SPON1: variants seen among roughly 807,000 people sequenced by gnomAD.
The protein encoded by SPON1 is spondin-1.
SPON1 carries 52 observed loss-of-function variants against 111.7 expected under a neutral mutation model. The ratio of observed to expected loss-of-function variants is 0.47; its 90% CI spans 0.37 to 0.59. The LOEUF is 0.59. Ranked by LOEUF, SPON1 falls within the 20% of genes least tolerant of loss-of-function variation. SPON1 has a pLI of 0.00. For missense variants in SPON1, 957 were observed against 1,068.5 expected (o/e 0.90, Z 1.46); for synonymous variants, 410 against 395.8 (o/e 1.04, Z -0.43).
chr11:14,159,214 T>C (rs1591392646), intron 6 of SPON1, among the ~76,000 whole-genome samples: 1 of 152,270 alleles, frequency 6.6e-6, no homozygotes, highest in East Asian at 1.9e-4. Flanking sequence ...TTTTTTGAGT[T>C]ATTAGATGTG....
At chr11:14,172,485 C>T (rs1848117109) in intron 6 of SPON1, among the ~76,000 whole-genome samples, 1 of 151,760 alleles carries the variant, frequency 6.6e-6, no homozygotes, top group African/African-American at 2.4e-5. Flanking sequence ...GCATTTAGCC[C>T]ATTTACATTT....
intron 1 of SPON1, among the ~76,000 whole-genome samples, chr11:13,964,724 G>C (rs1008003025): frequency 6.6e-6 from 1 of 152,288 alleles, no homozygotes; most frequent in African/African-American, 2.4e-5. Context: ...CGGCTAGAGC[G>C]AGCCGCGCCG....
chr11:14,192,060 A>G (rs1277725982), intron 6 of SPON1, among the ~76,000 whole-genome samples: 1 of 152,186 alleles, frequency 6.6e-6, no homozygotes, highest in African/African-American at 2.4e-5. Flanking sequence ...AACTCATAAT[A>G]TACTTCAGAA....
At position 14,259,214 on chromosome 11, in the gene SPON1, A is replaced by G. The variant is rs1591430068; in HGVS notation, c.1493-66A>G. The G allele has an allele frequency of 2.7e-6, 4 of 1,484,622 alleles. No homozygotes were observed. Among genetic ancestry groups the G allele is most frequent in the Admixed American group, 2.2e-5 (1 of 45,518 alleles). 92.0% of individuals were successfully genotyped at this position (1,484,622 alleles called of 1,614,324 possible). On this transcript the variant is annotated intron_variant, in intron 11 of 15. Transcript: ENST00000576479. The surrounding 1 kb of genome is among the most constrained non-coding windows in gnomAD (Gnocchi z 5.0). ...TGATTCCCGCTGGCGGGAAGTTCCC[A>G]CCGCGCAGCCTGGCAGGCGCCCCTG...
rs782395982 is a variant in SPON1 at position 14,254,738 on chromosome 11, G to T, written c.1092+9G>T. 6.2e-7 allele frequency: 1 copy of T among 1,613,164 alleles called. No homozygotes were observed. Among genetic ancestry groups the T allele is most frequent in the Admixed American group, 1.7e-5 (1 of 60,014 alleles). ...GCGGGGTGACCTATGAGGTGTGTGT[G>T]TGTGCCTGGAGTGGTGAGTGGCTCC... On this transcript the variant is annotated intron_variant, in intron 8 of 15. Coordinates refer to ENST00000576479, the MANE Select transcript of SPON1 (RefSeq NM_006108.4).
intron 6 of SPON1, among the ~76,000 whole-genome samples, chr11:14,210,502 G>T (rs572369286): frequency 1.3e-5 from 2 of 151,694 alleles, no homozygotes; most frequent in South Asian, 4.2e-4. Context: ...GGGTTCAAGC[G>T]ATTCTCCTGC....
At chr11:14,080,087 G>A (rs1239628250) in intron 5 of SPON1, 66 bp downstream of exon 5, 1 of 1,594,300 alleles carries the variant, frequency 6.3e-7, no homozygotes, top group Non-Finnish European at 8.6e-7. Context: ...CTGGTTATAG[G>A]GCACACTAGC....
intron 6 of SPON1, among the ~76,000 whole-genome samples, chr11:14,146,574 AT>A (rs1847722054): frequency 6.6e-6 from 1 of 152,236 alleles, no homozygotes; most frequent in Non-Finnish European, 1.5e-5. Flanking sequence ...TCCCTCAAAA[AT>A]CCCAGATAAT....
At chr11:14,139,511 C>T (rs1003405022) in intron 6 of SPON1, among the ~76,000 whole-genome samples, 2 of 152,146 alleles carry the variant, frequency 1.3e-5, no homozygotes. Flanking sequence ...GTATTGGATG[C>T]TTCCTAAATG....
rs782111883 is a variant in SPON1, at chr11:14,256,676, A to G, written c.1293A>G (p.Pro431=). Residue 431 remains proline (P), a synonymous_variant, in exon 10 of 16, where the codon CCA becomes CCG. Transcript: ENST00000576479. ...ATGATATTGTAGCTGACCTGGCTCC[A>G]GAAGAGAAAGATGAAGGTACGTTGT... The part of the protein sequence containing the change: ...NVDDIVADLA[P]EEKDEDDTPE... 3.1e-6 allele frequency: 5 copies of G among 1,613,562 alleles called. No individual in the cohort carries two copies. In the Admixed American group the frequency reaches 5.0e-5, roughly 16 times the overall value.
At chr11:14,215,395 G>A (rs1445085159) in intron 6 of SPON1, among the ~76,000 whole-genome samples, 1 of 152,180 alleles carries the variant, frequency 6.6e-6, no homozygotes, top group Non-Finnish European at 1.5e-5. Flanking sequence ...TAAAGGGTCT[G>A]AGATGGTATT....
At chr11:14,053,166 T>C (rs1174579816) in intron 3 of SPON1, among the ~76,000 whole-genome samples, 1 of 152,196 alleles carries the variant, frequency 6.6e-6, no homozygotes, top group African/African-American at 2.4e-5. Context: ...TAACATAAAA[T>C]CAACCATTTT....
intron 1 of SPON1, among the ~76,000 whole-genome samples, chr11:13,967,749 C>G (rs781787961): frequency 6.6e-6 from 1 of 152,148 alleles, no homozygotes; most frequent in Non-Finnish European, 1.5e-5. Flanking sequence ...AATTAAGCCA[C>G]CCCTCCTACC....
intron 6 of SPON1, among the ~76,000 whole-genome samples, chr11:14,231,438 C>G (rs548254460): frequency 6.6e-6 from 1 of 152,234 alleles, no homozygotes; most frequent in East Asian, 1.9e-4. Flanking sequence ...TGGCCCCAGC[C>G]TCCATTTTTT....
rs185449245 is a variant in SPON1 at position 14,033,630 on chromosome 11, A to G, written c.346-7891A>G. Among the ~76,000 whole-genome samples the G allele has an allele frequency of 2.8e-3, 433 of 152,348 alleles. 2 individuals are homozygous for G. Among genetic ancestry groups the G allele is most frequent in the African/African-American group, 9.9e-3 (412 of 41,572 alleles). On this transcript the variant is annotated intron_variant, in intron 2 of 15. Transcript: ENST00000576479. The stretch of plus-strand genomic sequence containing the variant: ...ATGTAGGTTTCAAAATGGGTATGGC[A>G]TGTGATTTAGGACTAAGACTGCATT...
At chr11:14,223,825 A>G (rs544784703) in intron 6 of SPON1, among the ~76,000 whole-genome samples, 1 of 152,340 alleles carries the variant, frequency 6.6e-6, no homozygotes, top group African/African-American at 2.4e-5. Flanking sequence ...GGGTCACAAA[A>G]TAGCCAAGTG....
Position 14,126,147 on chromosome 11 carries a change from C to T in SPON1, c.677-9273C>T, listed in dbSNP as rs528715206. 2.6e-5 allele frequency among the ~76,000 whole-genome samples: 4 copies of T among 152,288 alleles called. No homozygotes were observed. In the East Asian group the frequency reaches 7.7e-4, roughly 29 times the overall value. On this transcript the variant is annotated intron_variant, in intron 5 of 15. Transcript: ENST00000576479. ...ACAATAGGGAGAGCAGTCTGTTTTA[C>T]TCTACCAATTCAAATATTCATCCAG...
At position 14,135,568 on chromosome 11, in the gene SPON1, G is replaced by A. The variant is rs565430994; in HGVS notation, c.825G>A (p.Gln275=). 1 of 1,612,074 alleles carries A rather than the reference G, an allele frequency of 6.2e-7. No homozygotes were observed. Among genetic ancestry groups the A allele is most frequent in the East Asian group, 2.2e-5 (1 of 44,836 alleles). ...AAATGGAGGAAGAAATTCGACAACA[G>A]GTAAGACAAAAAAATCACAGAATGA... ...PVKMEEEIRQ[Q]SDEVLTVIKA... The change falls in exon 6 of 16, where the codon CAG becomes CAA. Residue 275 remains glutamine (Q), a splice_region_variant and synonymous_variant. Transcript: ENST00000576479. The surrounding 1 kb of genome is among the most constrained non-coding windows in gnomAD (Gnocchi z 4.4).
intron 5 of SPON1, among the ~76,000 whole-genome samples, chr11:14,097,555 T>C (rs11023088): frequency 0.47 from 70,994 of 152,042 alleles, 17,088 homozygotes; most frequent in South Asian, 0.66. Context: ...TACCTCTATG[T>C]TTTTTCCTAA....
Sources: allele counts gnomAD v4.1 joint callset (sites outside exome capture counted in the v4.1 genomes callset), GRCh38; gene constraint gnomAD v4.1.1; non-coding constraint Gnocchi (gnomAD v3.1); transcripts MANE v1.5; gene names NCBI Gene and HGNC (gene_info 2026-07-23, HGNC 2026-07-21).